KDM2B: variants seen among roughly 807,000 people sequenced by gnomAD.
KDM2B encodes the protein lysine demethylase 2B.
In KDM2B, 26 loss-of-function variants were observed where a neutral mutation model predicts 150.0. The ratio of observed to expected loss-of-function variants is 0.17; its 90% CI spans 0.13 to 0.24. The LOEUF (loss-of-function observed/expected upper bound fraction) is 0.24, where lower values mean the gene tolerates loss of function less well. KDM2B is among the 10% of genes least tolerant of loss of function. The pLI is 1.00. For synonymous variants in KDM2B, 734 were observed against 729.5 expected (o/e 1.01, Z -0.10); for missense variants, 1,265 against 1,816.9 (o/e 0.70, Z 5.52).
the KDM2B span, among the ~76,000 whole-genome samples, chr12:121,411,536 A>T: frequency 6.6e-6 from 1 of 152,244 alleles, no homozygotes. Context: ...TATCCCTGAT[A>T]CAAAGGTCAT....
chr12:121,579,771 C>G (rs1228771918), intron 1 of KDM2B: 39 of 1,379,610 alleles, frequency 2.8e-5, no homozygotes, highest in Middle Eastern at 2.2e-4. Flanking sequence ...GCTCAGCCCC[C>G]CTCCACGCCT....
At chr12:121,439,338 G>T (rs983138076) in intron 22 of KDM2B, among the ~76,000 whole-genome samples, 1 of 151,542 alleles carries the variant, frequency 6.6e-6, no homozygotes, top group Admixed American at 6.6e-5. Flanking sequence ...GCTGCTAACT[G>T]GCACTATTTT....
chr12:121,477,560 T>C (rs1555296981), intron 12 of KDM2B, among the ~76,000 whole-genome samples: 1 of 144,572 alleles, frequency 6.9e-6, no homozygotes, highest in African/African-American at 2.6e-5. Flanking sequence ...ATTTTTTTCT[T>C]CTTTTCTTTT....
At chr12:121,501,942 A>C (rs781949170) in intron 11 of KDM2B, among the ~76,000 whole-genome samples, 2 of 152,120 alleles carry the variant, frequency 1.3e-5, no homozygotes, top group African/African-American at 2.4e-5. Context: ...GATTTTAAAA[A>C]GCCAACTGCG....
At position 121,429,826 on chromosome 12, in the gene KDM2B, T is replaced by C. The variant is rs1593692028; in HGVS notation, c.*462A>G. On this transcript the variant is annotated 3_prime_UTR_variant, in exon 23 of 23. Transcript: ENST00000377071. ...CAATTTGTACAAAAATAGTTCTGCA[T>C]AATGTAAGATGTAACAAAACCAACC... is the stretch of plus-strand genomic sequence containing the variant. 1 of 557,436 alleles carries C rather than the reference T, an allele frequency of 1.8e-6. No individual in the cohort carries two copies. Among genetic ancestry groups the C allele is most frequent in the Non-Finnish European group, 3.2e-6 (1 of 316,184 alleles). The allele number at this position is 557,436 out of a possible 1,614,324, so 34.5% of individuals were successfully genotyped here.
At chr12:121,469,271 C>T (rs1406691160) in intron 12 of KDM2B, 1 of 150,106 alleles carries the variant, frequency 6.7e-6, no homozygotes, top group Non-Finnish European at 1.5e-5. Context: ...CACCCTAACC[C>T]CCCCACCCCA....
At chr12:121,443,599 AGGACCAGCGGGGTGGGGTGGG>A (rs1206695418) in intron 17 of KDM2B, 60 bp downstream of exon 17, 9 of 817,516 alleles carry the variant, frequency 1.1e-5, no homozygotes, top group Non-Finnish European at 1.9e-5. Context: ...AGTGGGGTGG[AGGACCAGCGGGGTGGGGTGGG>A]GGACAGCCCA....
In KDM2B at chr12:121,467,269, G is replaced by A. The variant is rs1219480474; in HGVS notation, c.1735-13925C>T. On this transcript the variant is annotated intron_variant, in intron 12 of 22. Coordinates refer to ENST00000377071, the MANE Select transcript of KDM2B (RefSeq NM_032590.5). The surrounding 1 kb of genome is among the most constrained non-coding windows in gnomAD (Gnocchi z 5.1). ...ACATGGCTGGAGCGGCGCCGCCGCCGCCGCCCGCCCGGAGCAGGCTCGGCT... is the reference window on the plus strand; with the variant it reads ...ACATGGCTGGAGCGGCGCCGCCGCCACCGCCCGCCCGGAGCAGGCTCGGCT... 8.1e-6 allele frequency: 8 copies of A among 983,208 alleles called. No homozygotes were observed. Among genetic ancestry groups the A allele is most frequent in the Non-Finnish European group, 9.6e-6 (8 of 830,466 alleles). 60.9% of individuals were successfully genotyped at this position (983,208 alleles called of 1,614,324 possible). A position where few individuals can be genotyped will look rare whatever the true frequency, so the allele number is the denominator to read the frequency against.
chr12:121,412,335 G>A, the KDM2B span, among the ~76,000 whole-genome samples: 3 of 148,346 alleles, frequency 2.0e-5, no homozygotes, highest in African/African-American at 7.5e-5. Flanking sequence ...TGCCTCCCGG[G>A]TTCACGCCAT....
intron 4 of KDM2B, among the ~76,000 whole-genome samples, chr12:121,563,144 T>C (rs1366521585): frequency 6.6e-6 from 1 of 151,548 alleles, no homozygotes; most frequent in African/African-American, 2.4e-5. Context: ...ATAGCGAGAC[T>C]CATCTCTACA....
chr12:121,471,217 C>T (rs1450741442), intron 12 of KDM2B, among the ~76,000 whole-genome samples: 3 of 152,116 alleles, frequency 2.0e-5, no homozygotes, highest in East Asian at 1.9e-4. Flanking sequence ...CATCTTCTAG[C>T]GACCCTAAAA....
chr12:121,526,401 T>C (rs1186494555), intron 8 of KDM2B, among the ~76,000 whole-genome samples: 1 of 152,016 alleles, frequency 6.6e-6, no homozygotes, highest in Non-Finnish European at 1.5e-5. Flanking sequence ...AGTTCTCACA[T>C]AGTCAAGAGT....
intron 11 of KDM2B, among the ~76,000 whole-genome samples, chr12:121,508,433 G>A (rs1555303292): frequency 6.6e-6 from 1 of 152,102 alleles, no homozygotes; most frequent in East Asian, 1.9e-4. Context: ...CCAACACAAG[G>A]TTTCCTAAGT....
At chr12:121,460,437 C>G (rs185972824) in intron 12 of KDM2B, among the ~76,000 whole-genome samples, 2 of 152,352 alleles carry the variant, frequency 1.3e-5, no homozygotes, top group East Asian at 3.9e-4. Flanking sequence ...CTCGCTCTGT[C>G]ACCCAGGCTG....
intron 12 of KDM2B, among the ~76,000 whole-genome samples, chr12:121,466,194 C>T (rs1041404727): frequency 9.9e-5 from 15 of 152,074 alleles, no homozygotes; most frequent in Non-Finnish European, 1.8e-4. Flanking sequence ...TTTATCCCAC[C>T]AGGATTATAA....
intron 8 of KDM2B, among the ~76,000 whole-genome samples, chr12:121,527,202 G>A (rs1354582101): frequency 1.3e-5 from 2 of 148,476 alleles, no homozygotes; most frequent in African/African-American, 4.9e-5. Flanking sequence ...GGCACCCGCC[G>A]CCACGCCCAG....
intron 9 of KDM2B, among the ~76,000 whole-genome samples, chr12:121,519,908 G>A (rs1217647411): frequency 6.6e-6 from 1 of 152,106 alleles, no homozygotes; most frequent in African/African-American, 2.4e-5. Context: ...TTGTTTTTTA[G>A]TATGAGACAG....
At chr12:121,466,953 C>T (rs2139459857) in intron 12 of KDM2B, among the ~76,000 whole-genome samples, 1 of 148,250 alleles carries the variant, frequency 6.7e-6, no homozygotes, top group African/African-American at 2.4e-5. Context: ...CGGCCGCACA[C>T]GCCCCCTGCC....
At chr12:121,510,664 G>A (rs1457843188) in intron 10 of KDM2B, among the ~76,000 whole-genome samples, 1 of 151,944 alleles carries the variant, frequency 6.6e-6, no homozygotes, top group East Asian at 1.9e-4. Flanking sequence ...GTGATGATGT[G>A]CACCTGTAGT....
Sources: gnomAD v4.1 joint callset for allele counts (sites outside exome capture counted in the v4.1 genomes callset) on GRCh38, gnomAD v4.1.1 for gene constraint, Gnocchi (gnomAD v3.1) non-coding constraint, MANE v1.5 for transcripts, NCBI Gene and HGNC (gene_info 2026-07-23, HGNC 2026-07-21) for gene names.